RNF2: variants seen among roughly 807,000 people sequenced by gnomAD.
RNF2 encodes the protein ring finger protein 2, also known as E3 ubiquitin-protein ligase RING2.
RNF2 carries 6 observed loss-of-function variants against 37.2 expected under a neutral mutation model. That is an observed-to-expected ratio of 0.16 (90% CI 0.09 to 0.32). The LOEUF (loss-of-function observed/expected upper bound fraction) is 0.32, where lower values mean the gene tolerates loss of function less well. Ranked by LOEUF, RNF2 falls within the 10% of genes least tolerant of loss-of-function variation. RNF2 has a pLI of 1.00. For synonymous variants in RNF2, 133 were observed against 132.7 expected, an observed-to-expected ratio of 1.00 and a Z score of -0.02; for missense variants, 251 against 404.0, an observed-to-expected ratio of 0.62 and a Z score of 3.25.
At chr1:185,051,259 A>G (rs1252703163) in intron 1 of RNF2, among the ~76,000 whole-genome samples, 1 of 152,172 alleles carries the variant, frequency 6.6e-6, no homozygotes, top group Admixed American at 6.5e-5. Flanking sequence ...AACCCAGCCA[A>G]ATGTTTTCTA....
intron 1 of RNF2, among the ~76,000 whole-genome samples, chr1:185,070,916 C>A (rs934525786): frequency 1.3e-5 from 2 of 152,120 alleles, no homozygotes; most frequent in African/African-American, 4.8e-5. Context: ...GGATTACAGG[C>A]GTGAGCCACT....
chr1:185,053,208 A>C (rs1228846155), intron 1 of RNF2, among the ~76,000 whole-genome samples: 1 of 152,132 alleles, frequency 6.6e-6, no homozygotes, highest in Non-Finnish European at 1.5e-5. Flanking sequence ...TATTATTCCC[A>C]TAAAAAAATC....
intron 1 of RNF2, among the ~76,000 whole-genome samples, chr1:185,055,855 TTTAG>T (rs67661434): frequency 0.099 from 14,996 of 152,144 alleles, 949 homozygotes; most frequent in East Asian, 0.26. Flanking sequence ...TCTTAAAATT[TTTAG>T]TTAGCATATT....
chr1:185,081,041 A>G (rs578218926), intron 1 of RNF2, among the ~76,000 whole-genome samples: 1 of 152,298 alleles, frequency 6.6e-6, no homozygotes, highest in Admixed American at 6.5e-5. Context: ...TCTATCTAGG[A>G]TATATGTTAG....
intron 1 of RNF2, among the ~76,000 whole-genome samples, chr1:185,047,764 TTTGCAGC>T (rs1650159990): frequency 6.6e-6 from 1 of 152,212 alleles, no homozygotes; most frequent in Non-Finnish European, 1.5e-5. Context: ...TCCATCACAG[TTTGCAGC>T]TTTTAAAAGA....
chr1:185,073,059 CT>C (rs5779240), intron 1 of RNF2, among the ~76,000 whole-genome samples: 66,167 of 136,806 alleles, frequency 0.48, 15,618 homozygotes, highest in African/African-American at 0.61. Context: ...CTACGACTTG[CT>C]TTTTTTTTTT....
chr1:185,076,666 GA>G (rs1310152940), intron 1 of RNF2, among the ~76,000 whole-genome samples: 1 of 150,890 alleles, frequency 6.6e-6, no homozygotes, highest in Non-Finnish European at 1.5e-5. Flanking sequence ...TGATTTATTT[GA>G]AAAGGGTTTA....
Position 185,098,351 on chromosome 1 carries a change from G to C in RNF2, c.737+7G>C, listed in dbSNP as rs752175054. On this transcript the variant is annotated splice_region_variant and intron_variant, in intron 5 of 6. Coordinates refer to ENST00000367510, the MANE Select transcript of RNF2 (RefSeq NM_007212.4). The stretch of plus-strand genomic sequence containing the variant: ...ATGACAGTGCACAGACGAGGTAAGT[G>C]TGTGGATTAGTTTCAGATTATCTAA... The C allele has an allele frequency of 5.4e-5, 87 of 1,610,468 alleles. No homozygotes were observed. The highest frequency in any genetic ancestry group is 7.0e-5 in the Non-Finnish European group (83 of 1,177,348).
At chr1:185,069,971 C>T (rs1242651682) in intron 1 of RNF2, among the ~76,000 whole-genome samples, 2 of 152,136 alleles carry the variant, frequency 1.3e-5, no homozygotes, top group Non-Finnish European at 2.9e-5. Flanking sequence ...GGCACATTAA[C>T]CAAAGATTTT....
chr1:185,078,499 C>G (rs1651242132), intron 1 of RNF2, among the ~76,000 whole-genome samples: 1 of 152,120 alleles, frequency 6.6e-6, no homozygotes, highest in South Asian at 2.1e-4. Context: ...CCTCTTCTCC[C>G]CCTTGATTGA....
At chr1:185,086,892 T>C (rs933956419) in intron 1 of RNF2, among the ~76,000 whole-genome samples, 1 of 152,196 alleles carries the variant, frequency 6.6e-6, no homozygotes, top group Admixed American at 6.5e-5. Context: ...ATGAATTTCA[T>C]AAAAATATTT....
intron 4 of RNF2, among the ~76,000 whole-genome samples, chr1:185,094,732 G>T (rs892071239): frequency 6.6e-6 from 1 of 152,086 alleles, no homozygotes; most frequent in Admixed American, 6.6e-5. Context: ...AAAACTAAAA[G>T]ACTTTAATGA....
intron 1 of RNF2, among the ~76,000 whole-genome samples, chr1:185,071,257 G>C (rs1372315690): frequency 6.6e-6 from 1 of 152,178 alleles, no homozygotes; most frequent in East Asian, 1.9e-4. Flanking sequence ...TCTTCTACCT[G>C]TGAAGATAAG....
At position 185,065,602 on chromosome 1, in the gene RNF2, C is replaced by T. The variant is rs538503622; in HGVS notation, c.-3+19953C>T. On this transcript the variant is annotated intron_variant, in intron 1 of 6. Transcript: ENST00000367510. ...CCACCTTTAAGAGCTGTAACACTCACTGCGAAGGTCCACAGCTTCACTCCT... is the reference window on the plus strand; with the variant it reads ...CCACCTTTAAGAGCTGTAACACTCATTGCGAAGGTCCACAGCTTCACTCCT... Among the ~76,000 whole-genome samples, 6 of 152,320 alleles carry T rather than the reference C, an allele frequency of 3.9e-5. No homozygotes were observed. The South Asian group carries it at 1.2e-3, about 32-fold the overall frequency.
chr1:185,078,236 G>A (rs556721879), intron 1 of RNF2, among the ~76,000 whole-genome samples: 1 of 152,274 alleles, frequency 6.6e-6, no homozygotes, highest in African/African-American at 2.4e-5. Context: ...GACAAAGTGA[G>A]ACTCCATCAT....
intron 2 of RNF2, among the ~76,000 whole-genome samples, chr1:185,088,325 A>G (rs1483332778): frequency 6.6e-6 from 1 of 152,096 alleles, no homozygotes; most frequent in Non-Finnish European, 1.5e-5. Flanking sequence ...GAAAAACAGG[A>G]GATTGAGAGA....
intron 1 of RNF2, among the ~76,000 whole-genome samples, chr1:185,047,183 G>C (rs759607178): frequency 6.6e-6 from 1 of 152,104 alleles, no homozygotes; most frequent in Non-Finnish European, 1.5e-5. Flanking sequence ...TATCCTTGTG[G>C]CATCCACATT....
At chr1:185,066,309 C>A (rs1480213024) in intron 1 of RNF2, among the ~76,000 whole-genome samples, 1 of 152,190 alleles carries the variant, frequency 6.6e-6, no homozygotes, top group African/African-American at 2.4e-5. Context: ...TCCCCACCTT[C>A]TTTTCCACTC....
chr1:185,057,115 C>G (rs1313273823), intron 1 of RNF2, among the ~76,000 whole-genome samples: 1 of 151,948 alleles, frequency 6.6e-6, no homozygotes, highest in African/African-American at 2.4e-5. Flanking sequence ...CAAGACCAGC[C>G]TGGGCAACAT....
Sources: gnomAD v4.1 joint callset for allele counts (sites outside exome capture counted in the v4.1 genomes callset) on GRCh38, gnomAD v4.1.1 for gene constraint, MANE v1.5 for transcripts, NCBI Gene and HGNC (gene_info 2026-07-23, HGNC 2026-07-21) for gene names.